The following MINDY3 variants were observed in gnomAD, a reference collection of about 807,000 sequenced individuals.
MINDY3 encodes the protein MINDY lysine 48 deubiquitinase 3, also known as ubiquitin carboxyl-terminal hydrolase MINDY-3.
MINDY3 carries 38 observed loss-of-function variants against 69.2 expected under a neutral mutation model. The ratio of observed to expected loss-of-function variants is 0.55; its 90% confidence interval spans 0.42 to 0.72. The LOEUF (loss-of-function observed/expected upper bound fraction) is 0.72, where lower values mean the gene tolerates loss of function less well. Ranked by LOEUF, MINDY3 falls within the 30% of genes least tolerant of loss-of-function variation. MINDY3 has a pLI of 0.00. For synonymous variants in MINDY3, 192 were observed against 180.1 expected, an observed-to-expected ratio of 1.07 and a Z score of -0.53; for missense variants, 522 against 519.0, an observed-to-expected ratio of 1.01 and a Z score of -0.06.
chr10:15,799,805 T>TA (rs1838126109), intron 10 of MINDY3, among the ~76,000 whole-genome samples: 1 of 152,136 alleles, frequency 6.6e-6, no homozygotes, highest in South Asian at 2.1e-4. Context: ...AGGTAATGGT[T>TA]AAACATCCAA....
intron 1 of MINDY3, among the ~76,000 whole-genome samples, chr10:15,850,833 G>T (rs1249031218): frequency 1.3e-5 from 2 of 152,092 alleles, no homozygotes; most frequent in South Asian, 2.1e-4. Context: ...GGCTCAGGGG[G>T]CATCATGGAA....
chr10:15,847,505 C>T (rs1163963155), intron 2 of MINDY3, among the ~76,000 whole-genome samples: 1 of 151,806 alleles, frequency 6.6e-6, no homozygotes, highest in Non-Finnish European at 1.5e-5. Context: ...CTTTTACAGA[C>T]TGAAATAATG....
At chr10:15,816,942 A>G in intron 9 of MINDY3, 27 bp from the exon 10 acceptor site, 1 of 1,536,286 alleles carries the variant, frequency 6.5e-7, no homozygotes, top group Non-Finnish European at 9.0e-7. Flanking sequence ...AAAATAAAAC[A>G]AATAAACAAA....
intron 9 of MINDY3, chr10:15,817,525 A>G (rs1839457812): frequency 6.6e-6 from 1 of 152,212 alleles, no homozygotes; most frequent in Non-Finnish European, 1.5e-5. Context: ...AGGTTACATA[A>G]TCTGTGAACA....
At chr10:15,817,268 T>A (rs145499136) in intron 9 of MINDY3, 32 of 181,808 alleles carry the variant, frequency 1.8e-4, no homozygotes, top group African/African-American at 7.5e-4. Context: ...ACCCTAAAAC[T>A]ATAAACTTGA....
intron 10 of MINDY3, among the ~76,000 whole-genome samples, chr10:15,815,495 A>C (rs1839291218): frequency 6.6e-6 from 1 of 152,222 alleles, no homozygotes; most frequent in Non-Finnish European, 1.5e-5. Flanking sequence ...ACAAATAATA[A>C]ACTTTCATTG....
At chr10:15,845,368 T>A (rs982720227) in intron 2 of MINDY3, among the ~76,000 whole-genome samples, 1 of 152,232 alleles carries the variant, frequency 6.6e-6, no homozygotes, top group Non-Finnish European at 1.5e-5. Context: ...CACAGTATCA[T>A]GATCTAATTT....
intron 10 of MINDY3, among the ~76,000 whole-genome samples, chr10:15,803,572 T>C (rs1039800374): frequency 3.9e-5 from 6 of 152,254 alleles, no homozygotes; most frequent in Non-Finnish European, 8.8e-5. Flanking sequence ...AAATTTAATA[T>C]AGCAACAGCT....
chr10:15,853,296 G>A (rs1200335099), intron 1 of MINDY3, among the ~76,000 whole-genome samples: 2 of 152,040 alleles, frequency 1.3e-5, no homozygotes, highest in Non-Finnish European at 2.9e-5. Flanking sequence ...CGATAACCCT[G>A]GAAATCCTAG....
At chr10:15,786,381 C>T (rs1219779473) in intron 13 of MINDY3, among the ~76,000 whole-genome samples, 180 bp downstream of exon 13, 2 of 152,118 alleles carry the variant, frequency 1.3e-5, no homozygotes, top group African/African-American at 2.4e-5. Context: ...CCCATCAAGG[C>T]ACTGCGTTAC....
chr10:15,843,172 CAG>C (rs1479947293), intron 3 of MINDY3, 38 bp downstream of exon 3: 1 of 1,515,924 alleles, frequency 6.6e-7, no homozygotes, highest in Admixed American at 1.7e-5. Context: ...TCTATTAAAA[CAG>C]AGGAGGAAGC....
At chr10:15,796,218 C>T in intron 10 of MINDY3, 46 bp from the exon 11 acceptor site, 1 of 1,489,970 alleles carries the variant, frequency 6.7e-7, no homozygotes, top group Non-Finnish European at 9.3e-7. Flanking sequence ...AGTATTATGA[C>T]ATTAAAAAGA....
chr10:15,842,406 A>G (rs1396113129), intron 3 of MINDY3, among the ~76,000 whole-genome samples: 2 of 151,914 alleles, frequency 1.3e-5, no homozygotes, highest in African/African-American at 4.8e-5. Flanking sequence ...TGAATATAGT[A>G]TAAGAAATAG....
intron 10 of MINDY3, among the ~76,000 whole-genome samples, chr10:15,807,330 G>GC (rs1436882338): frequency 6.6e-6 from 1 of 152,172 alleles, no homozygotes; most frequent in African/African-American, 2.4e-5. Flanking sequence ...AAGAACAGGA[G>GC]CAACAAGAGA....
chr10:15,805,863 G>A (rs1838602855), intron 10 of MINDY3, among the ~76,000 whole-genome samples: 1 of 152,170 alleles, frequency 6.6e-6, no homozygotes, highest in African/African-American at 2.4e-5. Flanking sequence ...CAACATGTAA[G>A]TTATGAGGGC....
In MINDY3 at chr10:15,789,304, G is replaced by A; in HGVS notation, c.971C>T (p.Pro324Leu). ...CATCACATCTTCCAGAAGTGAATCG[G>A]GTATGAATCCATTATCTAGGGGGGA... ...TYDPEDNGFI[P>L]DSLLEDVMKA... is the part of the protein sequence containing the mutation. The change falls in exon 12 of 15, where the codon CCC (proline) becomes CTC (leucine). Residue 324 changes from proline to leucine, a missense_variant. Physicochemically the swap from Pro to Leu is moderately conservative, Grantham distance 98. Transcript: ENST00000277632. The A allele has an allele frequency of 6.2e-7, 1 of 1,610,596 alleles. No homozygotes were observed. The highest frequency in any genetic ancestry group is 1.3e-5 in the African/African-American group (1 of 74,812).
At chr10:15,808,500 CAG>C (rs1838783814) in intron 10 of MINDY3, among the ~76,000 whole-genome samples, 3 of 152,112 alleles carry the variant, frequency 2.0e-5, no homozygotes, top group Non-Finnish European at 4.4e-5. Context: ...CAGTTCACCG[CAG>C]TGTTTTTCCT....
intron 4 of MINDY3, among the ~76,000 whole-genome samples, chr10:15,839,489 A>C (rs536969471): frequency 1.1e-3 from 160 of 151,824 alleles, no homozygotes; most frequent in African/African-American, 3.8e-3. Flanking sequence ...AATTCTACCT[A>C]ATCTTTTCCA....
intron 1 of MINDY3, among the ~76,000 whole-genome samples, chr10:15,854,022 C>T (rs1165332063): frequency 6.6e-6 from 1 of 152,052 alleles, no homozygotes; most frequent in Non-Finnish European, 1.5e-5. Context: ...TACACTAACA[C>T]TTGGAAGATT....
Sources: allele counts gnomAD v4.1 joint callset (sites outside exome capture counted in the v4.1 genomes callset), GRCh38; gene constraint gnomAD v4.1.1; transcripts MANE v1.5; gene names NCBI Gene and HGNC (gene_info 2026-07-23, HGNC 2026-07-21).